AKR1E2: variants seen among roughly 807,000 people sequenced by gnomAD.
AKR1E2 encodes the protein aldo-keto reductase family 1 member E2.
In AKR1E2, 43 loss-of-function variants were observed where a neutral mutation model predicts 41.9. The ratio of observed to expected loss-of-function variants is 1.03; its 90% CI spans 0.80 to 1.32. The LOEUF (loss-of-function observed/expected upper bound fraction) is 1.32, where lower values mean the gene tolerates loss of function less well. Among genes scored for constraint, AKR1E2 ranks in the 40% most tolerant of loss-of-function variants. AKR1E2 has a pLI of 0.00. For missense variants in AKR1E2, 423 were observed against 396.5 expected, an observed-to-expected ratio of 1.07 and a Z score of -0.57; for synonymous variants, 121 against 138.9, an observed-to-expected ratio of 0.87 and a Z score of 0.91.
At chr10:4,850,714 G>A (rs756323153), downstream of AKR1E2, among the ~76,000 whole-genome samples, 1 of 152,038 alleles carries the variant, frequency 6.6e-6, no homozygotes, top group African/African-American at 2.4e-5. Context: ...ATCTTTTCAT[G>A]TGCTTATTGG....
Position 4,842,476 on chromosome 10 carries a change from C to A in AKR1E2, c.809C>A (p.Thr270Asn), listed in dbSNP as rs201427808. ...RNVIVIPGSI[T>N]PSHIKENIQV... The stretch of plus-strand genomic sequence containing the variant: ...GTGATAGTGATCCCCGGATCTATCA[C>A]CCCAAGTCACATTAAAGAGAATATC... The change falls in exon 8 of 10, where the codon ACC (threonine) becomes AAC (asparagine). Residue 270 changes from threonine (T) to asparagine (N), a missense_variant. Transcript: ENST00000298375. 9.2e-5 allele frequency: 149 copies of A among 1,614,064 alleles called. No individual in the cohort carries two copies. In the South Asian group the frequency reaches 1.6e-3, roughly 17 times the overall value.
chr10:4,847,310 T>C (rs1834406261), intron 9 of AKR1E2, 80 bp downstream of exon 9: 3 of 1,591,954 alleles, frequency 1.9e-6, no homozygotes, highest in Non-Finnish European at 1.7e-6. Flanking sequence ...GTATTTATCA[T>C]ACACATTTTA....
chr10:4,872,429 T>G, the AKR1E2 span, among the ~76,000 whole-genome samples: 70 of 152,320 alleles, frequency 4.6e-4, no homozygotes, highest in Admixed American at 3.7e-3. Flanking sequence ...TAGAGAGAGA[T>G]ACAGTGGTTA....
intron 6 of AKR1E2, 50 bp from the exon 7 acceptor site, chr10:4,841,735 G>A (rs1381558662): frequency 7.6e-7 from 1 of 1,312,986 alleles, no homozygotes; most frequent in East Asian, 2.6e-5. Flanking sequence ...AAAGAAAGGG[G>A]CATCCATGTT....
At chr10:4,827,032 C>T (rs1308849132) in intron 1 of AKR1E2, among the ~76,000 whole-genome samples, 1 of 144,420 alleles carries the variant, frequency 6.9e-6, no homozygotes, top group South Asian at 2.2e-4. Context: ...GCTTTGATGG[C>T]GCCACTGCAC....
chr10:4,865,712 T>G, the AKR1E2 span, among the ~76,000 whole-genome samples: 2 of 152,198 alleles, frequency 1.3e-5, no homozygotes, highest in South Asian at 4.1e-4. Context: ...TATATAGGTC[T>G]CCTAGAGATA....
the AKR1E2 span, among the ~76,000 whole-genome samples, chr10:4,865,327 C>A: frequency 6.6e-6 from 1 of 151,914 alleles, no homozygotes; most frequent in Non-Finnish European, 1.5e-5. Flanking sequence ...TAGTTAGTAC[C>A]CTGTACTCTA....
intron 4 of AKR1E2, among the ~76,000 whole-genome samples, 187 bp downstream of exon 4, chr10:4,835,996 G>A (rs1318822765): frequency 6.6e-6 from 1 of 152,144 alleles, no homozygotes; most frequent in African/African-American, 2.4e-5. Flanking sequence ...GTTACCTTTG[G>A]TTTGGTATGG....
At chr10:4,848,657 A>C (rs1202489441), downstream of AKR1E2, among the ~76,000 whole-genome samples, 1 of 152,160 alleles carries the variant, frequency 6.6e-6, no homozygotes, top group East Asian at 1.9e-4. Context: ...CTCCCTCTGC[A>C]TCAGGTTCAG....
downstream of AKR1E2, among the ~76,000 whole-genome samples, chr10:4,852,500 G>T (rs1211330468): frequency 1.3e-5 from 2 of 152,174 alleles, no homozygotes; most frequent in Non-Finnish European, 2.9e-5. Context: ...TCAATGGAAG[G>T]AGAATACCGT....
chr10:4,845,329 G>A (rs74477497), intron 8 of AKR1E2, among the ~76,000 whole-genome samples: 5,307 of 152,292 alleles, frequency 0.035, 149 homozygotes, highest in East Asian at 0.11. Flanking sequence ...TGAGGGAGCC[G>A]ACTCCGGCCT....
the AKR1E2 span, among the ~76,000 whole-genome samples, chr10:4,859,004 A>G: frequency 5.9e-5 from 9 of 151,820 alleles, no homozygotes; most frequent in African/African-American, 2.2e-4. Flanking sequence ...TTGTATTTTT[A>G]GTAGAGACGA....
chr10:4,848,532 C>T (rs1078062), downstream of AKR1E2, among the ~76,000 whole-genome samples: 507 of 152,284 alleles, frequency 3.3e-3, 2 homozygotes, highest in African/African-American at 0.012. Context: ...ACTCACAGGC[C>T]CTTGGCTCCT....
At chr10:4,858,520 G>GT in the AKR1E2 span, among the ~76,000 whole-genome samples, 1 of 152,176 alleles carries the variant, frequency 6.6e-6, no homozygotes. Context: ...TTCAATTGAG[G>GT]TAACACAAGT....
Position 4,842,509 on chromosome 10 carries a change from G to T in AKR1E2, c.837+5G>T, listed in dbSNP as rs1833971471. ...CACATTAAAGAGAATATCCAGGTAG[G>T]TGTATTCCTTCTTTTATTTGGCGGG... is the stretch of plus-strand genomic sequence containing the variant. On this transcript the variant is annotated splice_donor_5th_base_variant and intron_variant, in intron 8 of 9. Coordinates refer to ENST00000298375, the MANE Select transcript of AKR1E2 (RefSeq NM_001040177.3). 1 of 1,613,056 alleles carries T rather than the reference G, an allele frequency of 6.2e-7. No homozygotes were observed. The highest frequency in any genetic ancestry group is 1.3e-5 in the African/African-American group (1 of 75,040).
At chr10:4,828,304 GAAGCAC>G (rs1356720398) in intron 1 of AKR1E2, among the ~76,000 whole-genome samples, 1 of 152,194 alleles carries the variant, frequency 6.6e-6, no homozygotes, top group East Asian at 1.9e-4. Flanking sequence ...GATGATGGCT[GAAGCAC>G]AAGAGAGCAA....
the AKR1E2 span, among the ~76,000 whole-genome samples, chr10:4,859,054 C>T: frequency 6.6e-6 from 1 of 152,036 alleles, no homozygotes; most frequent in Non-Finnish European, 1.5e-5. Flanking sequence ...AAACTCCTGA[C>T]TTCAGGTGAC....
chr10:4,839,807 C>T lies in AKR1E2; in HGVS notation c.661C>T (p.Arg221Cys), dbSNP rs571088945. The T allele has an allele frequency of 8.1e-6, 13 of 1,613,988 alleles. No individual in the cohort carries two copies. The East Asian group carries it at 1.6e-4, about 19-fold the overall frequency. ...CAGAGATGTGTCCGTGACTGCTTAC[C>T]GTCCTCTTGGTGGCTCGTGGTAAGG... ...QSRDVSVTAY[R>C]PLGGSCEGVD... Residue 221 changes from arginine (R) to cysteine (C), a missense_variant, in exon 6 of 10, where the codon CGT (arginine) becomes TGT (cysteine). By Grantham distance (180) the Arg-to-Cys change is radical. Transcript: ENST00000298375.
chr10:4,858,983 C>T, the AKR1E2 span, among the ~76,000 whole-genome samples: 1 of 151,966 alleles, frequency 6.6e-6, no homozygotes, highest in Non-Finnish European at 1.5e-5. Context: ...ACCACCACGA[C>T]CAGCTAATTT....
Sources: gnomAD v4.1 joint callset for allele counts (sites outside exome capture counted in the v4.1 genomes callset) on GRCh38, gnomAD v4.1.1 for gene constraint, MANE v1.5 for transcripts, NCBI Gene and HGNC (gene_info 2026-07-23, HGNC 2026-07-21) for gene names.